The following PRMT8 variants were observed in gnomAD, a reference collection of about 807,000 sequenced individuals.
The protein encoded by PRMT8 is protein arginine methyltransferase 8.
In PRMT8, 7 loss-of-function variants were observed where a neutral mutation model predicts 47.1. That is an observed-to-expected ratio of 0.15 (90% CI 0.08 to 0.28). The LOEUF is 0.28. Among genes scored for constraint, PRMT8 ranks in the 10% least tolerant of loss-of-function variants. The pLI is 1.00. For synonymous variants in PRMT8, 188 were observed against 186.5 expected (o/e 1.01, Z -0.07); for missense variants, 237 against 505.4 (o/e 0.47, Z 5.09).
chr12:3,592,712 A>C (rs984000524), intron 9 of PRMT8, among the ~76,000 whole-genome samples: 7 of 152,162 alleles, frequency 4.6e-5, no homozygotes, highest in Non-Finnish European at 8.8e-5. Context: ...GCATTTCTTC[A>C]GCTGGCCTGG....
intron 1 of PRMT8, among the ~76,000 whole-genome samples, chr12:3,464,972 A>C (rs1865077783): frequency 6.6e-6 from 1 of 151,538 alleles, no homozygotes; most frequent in African/African-American, 2.4e-5. Context: ...TAAAAATGCA[A>C]AATTAGCCGG....
chr12:3,400,742 C>T (rs1016757895), intron 1 of PRMT8, among the ~76,000 whole-genome samples: 4 of 152,150 alleles, frequency 2.6e-5, no homozygotes, highest in African/African-American at 9.7e-5. Flanking sequence ...TGATGAACAT[C>T]AGTGCAAAAA....
chr12:3,490,439 C>T (rs1865368207), upstream of PRMT8, among the ~76,000 whole-genome samples: 1 of 151,890 alleles, frequency 6.6e-6, no homozygotes, highest in Non-Finnish European at 1.5e-5. Context: ...TACGTGACAT[C>T]CTCCCTCTCT....
intron 1 of PRMT8, among the ~76,000 whole-genome samples, chr12:3,392,160 C>A (rs890621997): frequency 6.6e-6 from 1 of 152,082 alleles, no homozygotes; most frequent in Non-Finnish European, 1.5e-5. Context: ...ATCACTTACA[C>A]GTCAAGCTAA....
At chr12:3,533,327 G>A (rs936233005) in intron 1 of PRMT8, among the ~76,000 whole-genome samples, 1 of 152,198 alleles carries the variant, frequency 6.6e-6, no homozygotes, top group African/African-American at 2.4e-5. Flanking sequence ...ACACCGTCTC[G>A]CAGGACTGGC....
chr12:3,569,640 G>A lies in PRMT8; in HGVS notation c.712+76G>A. The A allele has an allele frequency of 8.5e-7, 1 of 1,182,846 alleles. No individual in the cohort carries two copies. The highest frequency in any genetic ancestry group is 1.2e-5 in the South Asian group (1 of 81,894). The allele number at this position is 1,182,846 out of a possible 1,614,324, so 73.3% of individuals were successfully genotyped here. A position where few individuals can be genotyped will look rare whatever the true frequency, so the allele number is the denominator to read the frequency against. Reference sequence around the variant, plus strand: ...GGAGGCACTCCAGTGGGCCCGAGATGAGCAGGCAGTGACATGAACACCATT... The same window carrying A: ...GGAGGCACTCCAGTGGGCCCGAGATAAGCAGGCAGTGACATGAACACCATT... On this transcript the variant is annotated intron_variant, in intron 6 of 9. Transcript: ENST00000382622. The surrounding 1 kb of genome is among the most constrained non-coding windows in gnomAD (Gnocchi z 8.2).
chr12:3,430,998 G>T (rs1435115178), intron 1 of PRMT8, among the ~76,000 whole-genome samples: 1 of 152,186 alleles, frequency 6.6e-6, no homozygotes, highest in Non-Finnish European at 1.5e-5. Context: ...TGGAGGTGAG[G>T]CTGTTCGACT....
intron 1 of PRMT8, among the ~76,000 whole-genome samples, chr12:3,444,632 G>C (rs1190820832): frequency 6.6e-6 from 1 of 152,202 alleles, no homozygotes; most frequent in African/African-American, 2.4e-5. Context: ...AGGCATCCAG[G>C]TCATGCCAGT....
Position 3,590,142 on chromosome 12 carries a change from A to G in PRMT8, c.980-2089A>G, listed in dbSNP as rs142190165. On this transcript the variant is annotated intron_variant, in intron 8 of 9. Coordinates refer to ENST00000382622, the MANE Select transcript of PRMT8 (RefSeq NM_019854.5). ...GCAGGGTCTGAAAGGGATAGACTGC[A>G]CATTCATGATCCTCCTTCCCTTTCC... Among the ~76,000 whole-genome samples the G allele has an allele frequency of 7.7e-3, 1,174 of 152,358 alleles. 17 individuals are homozygous for G. Among genetic ancestry groups the G allele is most frequent in the African/African-American group, 0.027 (1,130 of 41,592 alleles).
chr12:3,465,350 T>C (rs1159403253), intron 1 of PRMT8, among the ~76,000 whole-genome samples: 1 of 150,726 alleles, frequency 6.6e-6, no homozygotes, highest in Admixed American at 6.6e-5. Context: ...CCGACTCCTC[T>C]CTTTGTTCTC....
In PRMT8 at chr12:3,540,617, C is replaced by CCCCGGG; in HGVS notation, c.90_91insGGGCCC (p.Pro30_Ser31insGlyPro). 5 of 1,137,504 alleles carry CCCCGGG rather than the reference C, an allele frequency of 4.4e-6. No individual in the cohort carries two copies. Among genetic ancestry groups the CCCCGGG allele is most frequent in the Non-Finnish European group, 6.6e-6 (5 of 756,918 alleles). The allele number at this position is 1,137,504 out of a possible 1,614,324, so 70.5% of individuals were successfully genotyped here. A position where few individuals can be genotyped will look rare whatever the true frequency, so the allele number is the denominator to read the frequency against. On this transcript the variant is annotated inframe_insertion, in exon 2 of 10. Transcript: ENST00000382622. ...TCTCTTCCCCTCAGGTGAACAGCCC[C>CCCCGGG]CCCTCCCAGCCCCCCCAGCCCGTCG...
intron 8 of PRMT8, among the ~76,000 whole-genome samples, chr12:3,586,667 T>C (rs1867181861): frequency 6.6e-6 from 1 of 152,220 alleles, no homozygotes; most frequent in African/African-American, 2.4e-5. Flanking sequence ...GCCAGCCGTC[T>C]GTGTCTTAAC....
chr12:3,461,741 TAAAA>T (rs1865044210), intron 1 of PRMT8, among the ~76,000 whole-genome samples: 1 of 150,240 alleles, frequency 6.7e-6, no homozygotes, highest in African/African-American at 2.5e-5. Flanking sequence ...AGTGTTAACC[TAAAA>T]GGAAGAGGCT....
chr12:3,407,816 T>G (rs534583900), intron 1 of PRMT8, among the ~76,000 whole-genome samples: 1 of 152,150 alleles, frequency 6.6e-6, no homozygotes, highest in African/African-American at 2.4e-5. Flanking sequence ...TCATTCTCTT[T>G]TCTTTTTTTC....
chr12:3,518,337 T>C (rs1327138311), intron 1 of PRMT8, among the ~76,000 whole-genome samples: 1 of 151,390 alleles, frequency 6.6e-6, no homozygotes, highest in African/African-American at 2.4e-5. Context: ...GAAGCCTCTA[T>C]GGGACAGGGA....
intron 7 of PRMT8, among the ~76,000 whole-genome samples, chr12:3,582,752 C>A (rs1424255785): frequency 1.3e-5 from 2 of 152,168 alleles, no homozygotes; most frequent in Non-Finnish European, 1.5e-5. Flanking sequence ...AATTAACCCT[C>A]CTGTTCTCTC....
intron 8 of PRMT8, among the ~76,000 whole-genome samples, chr12:3,588,871 T>C (rs1236851559): frequency 6.6e-6 from 1 of 152,150 alleles, no homozygotes; most frequent in Non-Finnish European, 1.5e-5. Context: ...ATCTGGATGG[T>C]CATAGATGGG....
chr12:3,484,647 T>C (rs1865305514), intron 1 of PRMT8, among the ~76,000 whole-genome samples: 1 of 152,228 alleles, frequency 6.6e-6, no homozygotes. Context: ...TGTACACAGA[T>C]GGAGAGGTTA....
At chr12:3,515,391 G>C (rs1865775058) in intron 1 of PRMT8, among the ~76,000 whole-genome samples, 1 of 152,216 alleles carries the variant, frequency 6.6e-6, no homozygotes, top group South Asian at 2.1e-4. Context: ...CAGAGGGATA[G>C]CCTTAGGAGA....
Sources: allele counts gnomAD v4.1 joint callset (sites outside exome capture counted in the v4.1 genomes callset), GRCh38; gene constraint gnomAD v4.1.1; non-coding constraint Gnocchi (gnomAD v3.1); transcripts MANE v1.5; gene names NCBI Gene and HGNC (gene_info 2026-07-23, HGNC 2026-07-21).